TMEM266: variants seen among roughly 807,000 people sequenced by gnomAD.
TMEM266 encodes Hv1 related protein 1.
TMEM266 carries 33 observed loss-of-function variants against 50.5 expected under a neutral mutation model. The ratio of observed to expected loss-of-function variants is 0.65; its 90% CI spans 0.50 to 0.87. TMEM266 has a LOEUF of 0.87. Ranked by LOEUF, TMEM266 falls within the 40% of genes least tolerant of loss-of-function variation. The pLI is 0.00. For synonymous variants in TMEM266, 310 were observed against 292.3 expected, an observed-to-expected ratio of 1.06 and a Z score of -0.62; for missense variants, 655 against 695.1, an observed-to-expected ratio of 0.94 and a Z score of 0.65.
rs774799142 is a variant in TMEM266 at position 76,175,673 on chromosome 15, G to A, written c.767G>A (p.Gly256Glu). The A allele has an allele frequency of 1.1e-5, 17 of 1,613,272 alleles. No homozygotes were observed. The Admixed American group carries it at 2.8e-4, about 27-fold the overall frequency. The change falls in exon 8 of 11, where the codon GGG becomes GAG. Residue 256 changes from glycine (G) to glutamate (E), a missense_variant and splice_region_variant. Physicochemically the swap from Gly to Glu is moderately conservative, Grantham distance 98. Coordinates refer to ENST00000388942, the MANE Select transcript of TMEM266 (RefSeq NM_152335.3). ...CTGACGCAGATCTGTCAGGAGCAAG[G>A]GGTAATGCACTGCCACTTTCGGCTC...
In TMEM266 at chr15:76,134,251, A is replaced by C. The variant is rs2037557320; in HGVS notation, c.-13A>C. 1 of 1,613,982 alleles carries C rather than the reference A, an allele frequency of 6.2e-7. No homozygotes were observed. Among genetic ancestry groups the C allele is most frequent in the Non-Finnish European group, 8.5e-7 (1 of 1,179,890 alleles). On this transcript the variant is annotated 5_prime_UTR_variant, in exon 2 of 11. Transcript: ENST00000388942. ...TCAGGACAGCTGAGCCCCACTAAACACCAAGAAAACCCATGGCTGTGGCTC... is the reference window on the plus strand; with the variant it reads ...TCAGGACAGCTGAGCCCCACTAAACCCCAAGAAAACCCATGGCTGTGGCTC...
At chr15:76,155,503 G>C (rs1381462007) in intron 3 of TMEM266, among the ~76,000 whole-genome samples, 5 of 152,094 alleles carry the variant, frequency 3.3e-5, no homozygotes, top group Admixed American at 3.3e-4. Flanking sequence ...TATAGTCAAG[G>C]GTTTCCCTGA....
chr15:76,165,346 G>A (rs749302106), intron 5 of TMEM266, among the ~76,000 whole-genome samples: 2 of 152,196 alleles, frequency 1.3e-5, no homozygotes, highest in East Asian at 1.9e-4. Flanking sequence ...GCCACTCTTC[G>A]CACCTCAGTT....
intron 4 of TMEM266, among the ~76,000 whole-genome samples, chr15:76,159,844 G>T (rs189986672): frequency 3.8e-4 from 58 of 151,970 alleles, no homozygotes; most frequent in African/African-American, 1.3e-3. Context: ...GGCGGCCTGT[G>T]GGGGAGAAGG....
intron 1 of TMEM266, among the ~76,000 whole-genome samples, chr15:76,075,902 GCT>G (rs2036601173): frequency 7.8e-6 from 1 of 128,142 alleles, no homozygotes; most frequent in African/African-American, 3.1e-5. Context: ...TGTGTCCCGG[GCT>G]GGAGTGCAGT....
At chr15:76,138,415 C>T (rs1257249271) in intron 3 of TMEM266, among the ~76,000 whole-genome samples, 2 of 152,060 alleles carry the variant, frequency 1.3e-5, no homozygotes, top group African/African-American at 4.8e-5. Context: ...TGCCAGACGA[C>T]CTCTTAGGAG....
chr15:76,130,497 G>A (rs1236423733), intron 1 of TMEM266, among the ~76,000 whole-genome samples: 1 of 152,188 alleles, frequency 6.6e-6, no homozygotes, highest in African/African-American at 2.4e-5. Flanking sequence ...CCAAGATCGC[G>A]CCAGCGCACT....
At chr15:76,118,821 C>T (rs2037291642) in intron 1 of TMEM266, among the ~76,000 whole-genome samples, 3 of 152,174 alleles carry the variant, frequency 2.0e-5, no homozygotes, top group Admixed American at 6.5e-5. Context: ...AGTGTCATCA[C>T]GTAGTAGCAT....
At chr15:76,086,994 G>A (rs1171572885) in intron 1 of TMEM266, among the ~76,000 whole-genome samples, 1 of 151,910 alleles carries the variant, frequency 6.6e-6, no homozygotes, top group Non-Finnish European at 1.5e-5. Flanking sequence ...GGCATGGAAA[G>A]TTGGGGCTTT....
At chr15:76,196,619 C>G (rs1350816861) in intron 9 of TMEM266, among the ~76,000 whole-genome samples, 1 of 151,622 alleles carries the variant, frequency 6.6e-6, no homozygotes, top group Non-Finnish European at 1.5e-5. Context: ...AGGCCCACCT[C>G]ATGCACAGGA....
intron 1 of TMEM266, among the ~76,000 whole-genome samples, chr15:76,084,155 A>C (rs1596092763): frequency 6.6e-6 from 1 of 152,074 alleles, no homozygotes; most frequent in Non-Finnish European, 1.5e-5. Flanking sequence ...TTTATGAAAA[A>C]TCAAAAAAAT....
chr15:76,090,491 C>CAAAAAA (rs34778511), intron 1 of TMEM266, among the ~76,000 whole-genome samples: 1 of 74,378 alleles, frequency 1.3e-5, no homozygotes, highest in African/African-American at 4.6e-5. Context: ...GACTCTGTCT[C>CAAAAAA]AAAAAAAAAA....
At chr15:76,114,798 C>T (rs139381264) in intron 1 of TMEM266, among the ~76,000 whole-genome samples, 32 of 152,112 alleles carry the variant, frequency 2.1e-4, no homozygotes, top group Non-Finnish European at 7.4e-5. Flanking sequence ...ATTTTCATCA[C>T]CCCACAAGGA....
chr15:76,133,899 G>T (rs932586611), intron 1 of TMEM266, among the ~76,000 whole-genome samples: 3 of 152,192 alleles, frequency 2.0e-5, no homozygotes, highest in Non-Finnish European at 2.9e-5. Context: ...TGGATGAGAA[G>T]TCAGAGAACC....
chr15:76,155,779 C>A (rs1267741656), intron 3 of TMEM266, among the ~76,000 whole-genome samples: 1 of 152,174 alleles, frequency 6.6e-6, no homozygotes, highest in African/African-American at 2.4e-5. Context: ...TCCACTCAGT[C>A]TACTTTGAAA....
chr15:76,109,974 G>A (rs1479616691), intron 1 of TMEM266, among the ~76,000 whole-genome samples: 1 of 151,474 alleles, frequency 6.6e-6, no homozygotes, highest in African/African-American at 2.4e-5. Context: ...TTTTCTGTTT[G>A]AGTTAAAAGT....
chr15:76,109,679 G>A (rs1008836887), intron 1 of TMEM266, among the ~76,000 whole-genome samples: 2 of 151,744 alleles, frequency 1.3e-5, no homozygotes, highest in African/African-American at 2.4e-5. Flanking sequence ...TATAAAAGTG[G>A]CAATGACAGG....
chr15:76,129,608 C>G (rs2037474320), intron 1 of TMEM266, among the ~76,000 whole-genome samples: 1 of 152,094 alleles, frequency 6.6e-6, no homozygotes, highest in Admixed American at 6.6e-5. Flanking sequence ...CACCATTGCA[C>G]TCCAGCCTGG....
At chr15:76,107,083 C>A (rs923302053) in intron 1 of TMEM266, among the ~76,000 whole-genome samples, 2 of 152,010 alleles carry the variant, frequency 1.3e-5, no homozygotes, top group South Asian at 2.1e-4. Flanking sequence ...ATAACATAAA[C>A]CATGTATGCC....
Sources: gnomAD v4.1 joint callset for allele counts (sites outside exome capture counted in the v4.1 genomes callset) on GRCh38, gnomAD v4.1.1 for gene constraint, MANE v1.5 for transcripts, NCBI Gene and HGNC (gene_info 2026-07-23, HGNC 2026-07-21) for gene names.